Variants in LHCGR observed in about 807,000 individuals in gnomAD.
LHCGR encodes the protein luteinizing hormone/choriogonadotropin receptor, also known as lutropin-choriogonadotropic hormone receptor.
LHCGR carries 55 observed loss-of-function variants against 60.7 expected under a neutral mutation model. The ratio of observed to expected loss-of-function variants is 0.91; its 90% CI spans 0.73 to 1.13. The LOEUF is 1.13. LHCGR is among the 50% of genes most tolerant of loss of function. The probability of loss-of-function intolerance (pLI) is 0.00; values close to 1 mark genes in which losing one functional copy is unlikely to be tolerated. For synonymous variants in LHCGR, 337 were observed against 316.5 expected (o/e 1.06, Z -0.69); for missense variants, 862 against 836.0 (o/e 1.03, Z -0.38).
rs375482614 is a variant in LHCGR at position 48,729,972 on chromosome 2, AC to A, written c.234-746del. Among the ~76,000 whole-genome samples, 488 of 152,310 alleles carry A rather than the reference AC, an allele frequency of 3.2e-3. 3 individuals are homozygous for A. The highest frequency in any genetic ancestry group is 0.011 in the African/African-American group (454 of 41,570). Reference sequence around the variant, plus strand: ...TTGAAAACAATACAAAAATAAAGAAACCAGTTTTGTCATATATGATTCGCAA... The same window carrying A: ...TTGAAAACAATACAAAAATAAAGAAACAGTTTTGTCATATATGATTCGCAA... On this transcript the variant is annotated intron_variant, in intron 2 of 10. Coordinates refer to ENST00000294954, the MANE Select transcript of LHCGR (RefSeq NM_000233.4).
intron 8 of LHCGR, among the ~76,000 whole-genome samples, chr2:48,706,346 C>T (rs1667670585): frequency 6.6e-6 from 1 of 152,176 alleles, no homozygotes; most frequent in South Asian, 2.1e-4. Flanking sequence ...TCATTTCAAC[C>T]TTGGTGAATC....
intron 1 of LHCGR, among the ~76,000 whole-genome samples, chr2:48,741,226 G>C (rs1285189375): frequency 6.6e-6 from 1 of 152,232 alleles, no homozygotes; most frequent in Non-Finnish European, 1.5e-5. Flanking sequence ...TGGTGTACCT[G>C]AAAGTGACGG....
At chr2:48,692,949 T>G (rs1666926527) in intron 10 of LHCGR, among the ~76,000 whole-genome samples, 1 of 152,172 alleles carries the variant, frequency 6.6e-6, no homozygotes. Flanking sequence ...ATAGCAAACT[T>G]AAGGTTGTAT....
chr2:48,706,576 C>G (rs1255393173), intron 8 of LHCGR, among the ~76,000 whole-genome samples: 1 of 152,104 alleles, frequency 6.6e-6, no homozygotes, highest in Non-Finnish European at 1.5e-5. Flanking sequence ...TTCTTGAGAC[C>G]TTGTTCGTTT....
At chr2:48,748,906 T>C (rs1208846612) in intron 1 of LHCGR, among the ~76,000 whole-genome samples, 2 of 152,198 alleles carry the variant, frequency 1.3e-5, no homozygotes, top group Admixed American at 1.3e-4. Flanking sequence ...GCCCAGTCTG[T>C]CCTGTTGATC....
In LHCGR at chr2:48,688,534, T is replaced by G. The variant is rs189474766; in HGVS notation, c.1263A>C (p.Gln421His). The change falls in exon 11 of 11, where the codon CAA becomes CAC. Residue 421 changes from glutamine (Q) to histidine (H), a missense_variant. Gln to His is a conservative substitution (Grantham distance 24). Transcript: ENST00000294954. This position sits in a 1 kb window ranked among gnomAD's most constrained non-coding sequence, Gnocchi z 5.2. The part of the protein sequence containing the change: ...YLLLIASVDS[Q>H]TKGQYYNHAI... ...CATGGTTATAGTACTGGCCCTTGGT[T>G]TGGGAATCAACTGAGGCTATGAGCA... is the stretch of plus-strand genomic sequence containing the variant. The G allele has an allele frequency of 5.0e-6, 8 of 1,614,170 alleles. No individual in the cohort carries two copies. Among genetic ancestry groups the G allele is most frequent in the Non-Finnish European group, 6.8e-6 (8 of 1,180,032 alleles).
At chr2:48,733,936 A>C (rs145282811) in intron 1 of LHCGR, among the ~76,000 whole-genome samples, 1 of 152,208 alleles carries the variant, frequency 6.6e-6, no homozygotes, top group Non-Finnish European at 1.5e-5. Flanking sequence ...GGATGCATCT[A>C]TGATTCTTTC....
intron 10 of LHCGR, among the ~76,000 whole-genome samples, chr2:48,690,165 G>T (rs1408999290): frequency 6.6e-6 from 1 of 152,114 alleles, no homozygotes; most frequent in Non-Finnish European, 1.5e-5. Flanking sequence ...ATTCAAACCT[G>T]CCCCAGGCTC....
At chr2:48,744,835 A>G (rs76172196) in intron 1 of LHCGR, among the ~76,000 whole-genome samples, 24,542 of 151,658 alleles carry the variant, frequency 0.16, 2,521 homozygotes, top group East Asian at 0.34. Flanking sequence ...AAAAGCCAAA[A>G]TTGACAAATG....
chr2:48,691,223 T>G (rs1680215706), intron 10 of LHCGR, among the ~76,000 whole-genome samples: 1 of 152,250 alleles, frequency 6.6e-6, no homozygotes, highest in Non-Finnish European at 1.5e-5. Context: ...TTCCCATGTT[T>G]TGTATTTTAA....
chr2:48,701,597 T>A (rs1340195181), intron 8 of LHCGR, among the ~76,000 whole-genome samples: 1 of 152,140 alleles, frequency 6.6e-6, no homozygotes, highest in Non-Finnish European at 1.5e-5. Context: ...AAAATAGTAA[T>A]TCCCCCTCTC....
At chr2:48,703,794 C>T (rs567524707) in intron 8 of LHCGR, among the ~76,000 whole-genome samples, 55 of 152,210 alleles carry the variant, frequency 3.6e-4, no homozygotes, top group African/African-American at 1.1e-3. Flanking sequence ...TGGGCGGAGA[C>T]GATAGGGTTT....
At chr2:48,718,873 A>G (rs898661394) in intron 6 of LHCGR, among the ~76,000 whole-genome samples, 9 of 152,206 alleles carry the variant, frequency 5.9e-5, no homozygotes, top group South Asian at 2.1e-4. Flanking sequence ...TCTCTATAGC[A>G]ATGGATCCCT....
At chr2:48,727,500 G>A (rs1422552248) in intron 3 of LHCGR, among the ~76,000 whole-genome samples, 1 of 152,188 alleles carries the variant, frequency 6.6e-6, no homozygotes, top group Non-Finnish European at 1.5e-5. Flanking sequence ...TCTTTCTGTT[G>A]ATGAATGTTG....
intron 9 of LHCGR, among the ~76,000 whole-genome samples, 167 bp from the exon 10 acceptor site, chr2:48,694,471 C>A (rs927973414): frequency 2.0e-5 from 3 of 152,156 alleles, no homozygotes; most frequent in Non-Finnish European, 4.4e-5. Context: ...AGAGTAAAGG[C>A]TTCTGAATTG....
chr2:48,728,315 G>A (rs1163172554), intron 3 of LHCGR, among the ~76,000 whole-genome samples: 4 of 152,124 alleles, frequency 2.6e-5, no homozygotes, highest in Non-Finnish European at 4.4e-5. Flanking sequence ...AGGATTAAAT[G>A]ACACAACATA....
Position 48,716,374 on chromosome 2 carries a change from A to G in LHCGR, c.537-2320T>C, listed in dbSNP as rs1297294425. On this transcript the variant is annotated intron_variant, in intron 6 of 10. Transcript: ENST00000294954. Reference sequence around the variant, plus strand: ...TTTGGTCATCCCATTCATTTAATGTATATTTACTGTAATACTCCCAGGTGC... The same window carrying G: ...TTTGGTCATCCCATTCATTTAATGTGTATTTACTGTAATACTCCCAGGTGC... Among the ~76,000 whole-genome samples the G allele has an allele frequency of 2.6e-5, 4 of 152,332 alleles. No homozygotes were observed. The East Asian group carries it at 7.7e-4, about 29-fold the overall frequency.
intron 10 of LHCGR, among the ~76,000 whole-genome samples, chr2:48,689,931 G>T (rs938606210): frequency 6.6e-6 from 1 of 152,128 alleles, no homozygotes; most frequent in Non-Finnish European, 1.5e-5. Context: ...GGCCAGGTTG[G>T]TCTCCATCTC....
rs541160299 is a variant in LHCGR, at chr2:48,733,145, C to A, written c.162-1847G>T. On this transcript the variant is annotated intron_variant, in intron 1 of 10. Transcript: ENST00000294954. ...TTGCAGCATCAATAAAACTGACAGC[C>A]AAATTCTGATTCCAGAATCTTTATT... The A allele has an allele frequency of 3.6e-4, 126 of 353,374 alleles. 2 individuals carry two copies. Among genetic ancestry groups the A allele is most frequent in the South Asian group, 2.8e-3 (121 of 43,124 alleles). 21.9% of individuals were successfully genotyped at this position (353,374 alleles called of 1,614,324 possible). A position where few individuals can be genotyped will look rare whatever the true frequency, so the allele number is the denominator to read the frequency against.
Sources: gnomAD v4.1 joint callset for allele counts (sites outside exome capture counted in the v4.1 genomes callset) on GRCh38, gnomAD v4.1.1 for gene constraint, Gnocchi (gnomAD v3.1) non-coding constraint, MANE v1.5 for transcripts, NCBI Gene and HGNC (gene_info 2026-07-23, HGNC 2026-07-21) for gene names.